AGO2: variants seen among roughly 807,000 people sequenced by gnomAD.
The protein encoded by AGO2 is protein argonaute-2.
Under a neutral mutation model 102.3 loss-of-function variants are expected in AGO2, and 5 were observed. The observed-to-expected ratio is 0.05, with a 90% CI of 0.03 to 0.10. AGO2 has a LOEUF of 0.10. Among genes scored for constraint, AGO2 ranks in the 10% least tolerant of loss-of-function variants. The probability of loss-of-function intolerance (pLI) is 1.00; values close to 1 mark genes in which losing one functional copy is unlikely to be tolerated. For synonymous variants in AGO2, 449 were observed against 473.1 expected (o/e 0.95, Z 0.66); for missense variants, 541 against 1,183.7 (o/e 0.46, Z 7.97).
rs59006134 is a variant in AGO2 at position 140,534,103 on chromosome 8, G to A, written c.2271+1365C>T. On this transcript the variant is annotated intron_variant, in intron 17 of 18. Transcript: ENST00000220592. ...CCCTGGTGCTGGTGGGCAGCGGAAC[G>A]TTCGTCCCTGATGCTCCACCGCACA... Among the ~76,000 whole-genome samples the A allele has an allele frequency of 4.9e-3, 744 of 152,282 alleles. 9 individuals are homozygous for A. The highest frequency in any genetic ancestry group is 0.017 in the African/African-American group (711 of 41,556).
At position 140,544,212 on chromosome 8, in the gene AGO2, C is replaced by T. The variant is rs1306853493; in HGVS notation, c.1839+1G>A. 6.3e-7 allele frequency: 1 copy of T among 1,584,030 alleles called. No homozygotes were observed. The highest frequency in any genetic ancestry group is 8.6e-7 in the Non-Finnish European group (1 of 1,169,572). On this transcript the variant is annotated splice_donor_variant, in intron 14 of 18. Coordinates refer to ENST00000220592, the MANE Select transcript of AGO2 (RefSeq NM_012154.5). LOFTEE classifies it high-confidence loss of function. ...ACCCATGGGGAAGCGCTGACACTCACGGCGGCAATGGAGGGCTTCTTCCCA... is the reference window on the plus strand; with the variant it reads ...ACCCATGGGGAAGCGCTGACACTCATGGCGGCAATGGAGGGCTTCTTCCCA...
At chr8:140,609,934 C>G (rs1193405444) in intron 1 of AGO2, among the ~76,000 whole-genome samples, 1 of 151,222 alleles carries the variant, frequency 6.6e-6, no homozygotes, top group Admixed American at 6.6e-5. Context: ...GGGCTCACAC[C>G]TATAATCCCA....
Position 140,528,846 on chromosome 8 carries a change from G to A in AGO2, c.*3198C>T, listed in dbSNP as rs1047001870. On this transcript the variant is annotated 3_prime_UTR_variant, in exon 19 of 19. Transcript: ENST00000220592. This position sits in a 1 kb window ranked among gnomAD's most constrained non-coding sequence, Gnocchi z 4.5. ...TTGCGTCACCGAAGGGCTCACACAC[G>A]AGGGCAGCTTTCCACCGCTCCCCTG... 2.0e-5 allele frequency: 3 copies of A among 152,160 alleles called. No homozygotes were observed. Among genetic ancestry groups the A allele is most frequent in the African/African-American group, 7.2e-5 (3 of 41,418 alleles). The allele number at this position is 152,160 out of a possible 1,614,324, so 9.4% of individuals were successfully genotyped here.
At chr8:140,604,302 A>G (rs1174768073) in intron 1 of AGO2, among the ~76,000 whole-genome samples, 1 of 152,268 alleles carries the variant, frequency 6.6e-6, no homozygotes, top group East Asian at 1.9e-4. Flanking sequence ...TTCATGTTCA[A>G]GAACTTGAAA....
chr8:140,587,075 G>C (rs1025663016), intron 1 of AGO2, among the ~76,000 whole-genome samples: 1 of 152,048 alleles, frequency 6.6e-6, no homozygotes, highest in African/African-American at 2.4e-5. Flanking sequence ...CCCCTCCACC[G>C]GGCCCCCAAG....
intron 3 of AGO2, among the ~76,000 whole-genome samples, chr8:140,564,418 A>C (rs117653792): frequency 6.6e-6 from 1 of 152,326 alleles, no homozygotes; most frequent in East Asian, 1.9e-4. Flanking sequence ...AAATGTACAT[A>C]GCTGGCCCTT....
chr8:140,587,747 T>C (rs2133019099), intron 1 of AGO2, among the ~76,000 whole-genome samples: 1 of 152,364 alleles, frequency 6.6e-6, no homozygotes, highest in African/African-American at 2.4e-5. Context: ...CATACGCACT[T>C]GTCACATTTG....
At chr8:140,547,748 C>T in intron 12 of AGO2, 121 bp from the exon 13 acceptor site, 2 of 1,378,002 alleles carry the variant, frequency 1.5e-6, no homozygotes, top group Non-Finnish European at 1.9e-6. Flanking sequence ...GGCAGCTGTG[C>T]TGAGCTTTGC....
rs36118849 is a variant in AGO2, at chr8:140,534,426, GC to G, written c.2271+1041del. ...GCATGGCCCCAGGCCCATCTCACCA[GC>G]CCTGGCAAAGCAAGCCAACACTGGG... is the stretch of plus-strand genomic sequence containing the variant. On this transcript the variant is annotated intron_variant, in intron 17 of 18. Coordinates refer to ENST00000220592, the MANE Select transcript of AGO2 (RefSeq NM_012154.5). 6.6e-5 allele frequency among the ~76,000 whole-genome samples: 10 copies of G among 152,168 alleles called. No individual in the cohort carries two copies. In the South Asian group the frequency reaches 8.3e-4, roughly 13 times the overall value.
chr8:140,548,171 C>T (rs2072934730), intron 12 of AGO2, among the ~76,000 whole-genome samples: 1 of 152,148 alleles, frequency 6.6e-6, no homozygotes, highest in Admixed American at 6.5e-5. Flanking sequence ...TAAAAATTAG[C>T]CGGGCATGGC....
chr8:140,625,010 C>T (rs2074258436), intron 1 of AGO2, among the ~76,000 whole-genome samples: 2 of 152,174 alleles, frequency 1.3e-5, no homozygotes, highest in African/African-American at 4.8e-5. Flanking sequence ...TCCAGGAAGG[C>T]CTCCCTGCTT....
At chr8:140,551,112 A>G (rs2944764) in intron 11 of AGO2, among the ~76,000 whole-genome samples, 191 bp downstream of exon 11, 96,316 of 152,156 alleles carry the variant, frequency 0.63, 32,164 homozygotes, top group African/African-American at 0.86. Flanking sequence ...GAGGGGCACC[A>G]ATGGGGCCAG....
intron 2 of AGO2, among the ~76,000 whole-genome samples, chr8:140,574,039 G>A (rs766990537): frequency 2.2e-4 from 34 of 152,302 alleles, no homozygotes; most frequent in African/African-American, 1.2e-4. Context: ...TTTGGTGTTG[G>A]GGGCTCAGGC....
In AGO2 at chr8:140,547,622, C is replaced by CCTCG; in HGVS notation, c.1590_1593dup (p.Val532ArgfsTer143). The CCTCG allele has an allele frequency of 6.2e-7, 1 of 1,612,558 alleles. No individual in the cohort carries two copies. Among genetic ancestry groups the CCTCG allele is most frequent in the Non-Finnish European group, 8.5e-7 (1 of 1,179,268 alleles). Reference sequence around the variant, plus strand: ...AGCACCGTGTCTCCCACGCGCTTGACCTCGGCTAAGGGACATGAGAGGCAC... The same window carrying CCTCG: ...AGCACCGTGTCTCCCACGCGCTTGACCTCGCTCGGCTAAGGGACATGAGAGGCAC... On this transcript the variant is annotated frameshift_variant, in exon 13 of 19. Transcript: ENST00000220592. LOFTEE classifies it high-confidence loss of function.
chr8:140,533,338 G>A (rs937622985), intron 17 of AGO2, among the ~76,000 whole-genome samples: 7 of 147,884 alleles, frequency 4.7e-5, no homozygotes, highest in African/African-American at 1.0e-4. Context: ...GCAGTGAGCC[G>A]AGATTGTGCC....
intron 17 of AGO2, among the ~76,000 whole-genome samples, chr8:140,533,980 A>ACTGCCTGCTCCACCTGCCAGCCTCG (rs2072648487): frequency 2.6e-5 from 4 of 152,194 alleles, no homozygotes; most frequent in Non-Finnish European, 5.9e-5. Flanking sequence ...TGCCCGCCTC[A>ACTGCCTGCTCCACCTGCCAGCCTCG]CTGCCTGCTC....
chr8:140,566,606 T>C (rs1371520381), intron 3 of AGO2, among the ~76,000 whole-genome samples: 3 of 142,310 alleles, frequency 2.1e-5, no homozygotes, highest in East Asian at 2.0e-4. Context: ...TACTTTCTTT[T>C]TTTTTTTTTT....
At chr8:140,582,024 A>G (rs1222234989) in intron 2 of AGO2, among the ~76,000 whole-genome samples, 3 of 152,266 alleles carry the variant, frequency 2.0e-5, no homozygotes, top group East Asian at 3.8e-4. Context: ...CCAAGAACAT[A>G]GCATACTTTA....
At chr8:140,608,095 T>TTA (rs1306999079) in intron 1 of AGO2, among the ~76,000 whole-genome samples, 1 of 152,162 alleles carries the variant, frequency 6.6e-6, no homozygotes, top group Non-Finnish European at 1.5e-5. Flanking sequence ...CTTTAGATCT[T>TTA]TAACCGCCAC....
Sources: gnomAD v4.1 joint callset for allele counts (sites outside exome capture counted in the v4.1 genomes callset) on GRCh38, gnomAD v4.1.1 for gene constraint, Gnocchi (gnomAD v3.1) non-coding constraint, MANE v1.5 for transcripts, NCBI Gene and HGNC (gene_info 2026-07-23, HGNC 2026-07-21) for gene names.